The following VSTM2B variants were observed in gnomAD, a reference collection of about 807,000 sequenced individuals.
The protein encoded by VSTM2B is V-set and transmembrane domain-containing protein 2B.
A neutral mutation model predicts 24.0 loss-of-function variants in VSTM2B; 24 were observed. The ratio of observed to expected loss-of-function variants is 1.00; its 90% CI spans 0.72 to 1.40. The LOEUF (loss-of-function observed/expected upper bound fraction) is 1.40, where lower values mean the gene tolerates loss of function less well. Ranked by LOEUF, VSTM2B falls within the 40% of genes most tolerant of loss-of-function variation. VSTM2B has a pLI of 0.00. For missense variants in VSTM2B, 399 were observed against 416.4 expected, an observed-to-expected ratio of 0.96 and a Z score of 0.36; for synonymous variants, 226 against 194.4, an observed-to-expected ratio of 1.16 and a Z score of -1.35.
intron 4 of VSTM2B, among the ~76,000 whole-genome samples, chr19:29,544,918 G>A (rs1402440017): frequency 5.9e-5 from 9 of 152,292 alleles, no homozygotes; most frequent in East Asian, 1.9e-4. Flanking sequence ...TTCCGGCACC[G>A]TGCTGGGTAA....
At chr19:29,553,072 A>G (rs557306603) in intron 4 of VSTM2B, among the ~76,000 whole-genome samples, 3 of 152,216 alleles carry the variant, frequency 2.0e-5, no homozygotes, top group African/African-American at 7.2e-5. Context: ...TGGACAAGTG[A>G]GATCCCCCCC....
intron 4 of VSTM2B, among the ~76,000 whole-genome samples, chr19:29,555,792 A>C (rs548057644): frequency 6.6e-6 from 1 of 152,312 alleles, no homozygotes; most frequent in South Asian, 2.1e-4. Context: ...CTATGCAAAT[A>C]AACTAAAAAC....
At chr19:29,527,679 G>C (rs1969619375) in intron 2 of VSTM2B, among the ~76,000 whole-genome samples, 1 of 152,208 alleles carries the variant, frequency 6.6e-6, no homozygotes, top group South Asian at 2.1e-4. Context: ...GCTCGTGCTC[G>C]CTGGCTGCGG....
intron 4 of VSTM2B, among the ~76,000 whole-genome samples, chr19:29,556,043 C>T (rs1970398750): frequency 6.6e-6 from 1 of 152,030 alleles, no homozygotes; most frequent in Non-Finnish European, 1.5e-5. Context: ...AGGGACTTCT[C>T]CCTAACTCAT....
At chr19:29,549,063 G>A (rs1212861380) in intron 4 of VSTM2B, among the ~76,000 whole-genome samples, 3 of 152,226 alleles carry the variant, frequency 2.0e-5, no homozygotes, top group Admixed American at 2.0e-4. Context: ...CAGTCCTGGG[G>A]TTGCTGATTC....
intron 4 of VSTM2B, among the ~76,000 whole-genome samples, chr19:29,557,375 T>C (rs1248054091): frequency 6.6e-6 from 1 of 152,180 alleles, no homozygotes; most frequent in East Asian, 1.9e-4. Flanking sequence ...CCTTACACCT[T>C]ATACAATAAT....
chr19:29,529,156 C>A (rs73029458), intron 3 of VSTM2B: 54,771 of 983,370 alleles, frequency 0.056, 1,718 homozygotes, highest in Middle Eastern at 0.094. Flanking sequence ...AAGTCCCCAC[C>A]GGGGCGCAGG....
chr19:29,530,977 G>A (rs1969742922), intron 4 of VSTM2B, among the ~76,000 whole-genome samples: 1 of 151,102 alleles, frequency 6.6e-6, no homozygotes, highest in Admixed American at 6.6e-5. Context: ...AGGGAGCTGA[G>A]AGGCTGGGAG....
At position 29,530,149 on chromosome 19, in the gene VSTM2B, G is replaced by A; in HGVS notation, c.628G>A (p.Ala210Thr). 2 of 1,470,046 alleles carry A rather than the reference G, an allele frequency of 1.4e-6. No homozygotes were observed. The highest frequency in any genetic ancestry group is 1.3e-5 in the South Asian group (1 of 77,302). The allele number at this position is 1,470,046 out of a possible 1,614,324, so 91.1% of individuals were successfully genotyped here. The change falls in exon 4 of 5, where the codon GCC (alanine) becomes ACC (threonine). Residue 210 changes from alanine (A) to threonine (T), a missense_variant. Physicochemically the swap from Ala to Thr is moderately conservative, Grantham distance 58 (BLOSUM62 0). Coordinates refer to ENST00000335523, the MANE Select transcript of VSTM2B (RefSeq NM_001146339.2). ...KSPPPGSPPA[A>T]IDPAVPEAAA... ...CCCGCCGCCCGGGAGCCCTCCCGCC[G>A]CCATCGATCCCGCAGTCCCCGAGGC...
intron 4 of VSTM2B, among the ~76,000 whole-genome samples, chr19:29,541,546 G>A (rs796292264): frequency 3.6e-4 from 55 of 152,192 alleles, no homozygotes; most frequent in African/African-American, 1.3e-3. Flanking sequence ...ATTAATAGAT[G>A]GGTGGAAGGA....
At chr19:29,536,453 C>T (rs1419617520) in intron 4 of VSTM2B, among the ~76,000 whole-genome samples, 3 of 152,246 alleles carry the variant, frequency 2.0e-5, no homozygotes, top group Non-Finnish European at 4.4e-5. Context: ...CTTTGTGTAT[C>T]AGTCAGCTCA....
chr19:29,545,939 T>A (rs1292595230), intron 4 of VSTM2B, among the ~76,000 whole-genome samples: 2 of 152,092 alleles, frequency 1.3e-5, no homozygotes. Context: ...TATCAGTGAC[T>A]GGCTTGCGGG....
intron 4 of VSTM2B, among the ~76,000 whole-genome samples, chr19:29,559,026 A>T (rs184520156): frequency 1.3e-5 from 2 of 152,346 alleles, no homozygotes; most frequent in African/African-American, 4.8e-5. Flanking sequence ...AGTGTAAATT[A>T]GCTCAACCAT....
upstream of VSTM2B, chr19:29,525,554 G>A (rs1042988232): frequency 6.6e-6 from 1 of 152,356 alleles, no homozygotes; most frequent in Non-Finnish European, 1.5e-5. Flanking sequence ...CGTAGTCTCC[G>A]GCTGGGCACA....
chr19:29,540,204 AT>A (rs1969991283), intron 4 of VSTM2B, among the ~76,000 whole-genome samples: 1 of 152,234 alleles, frequency 6.6e-6, no homozygotes, highest in Non-Finnish European at 1.5e-5. Flanking sequence ...GGTCTGCTGT[AT>A]CTGGTCTGGC....
chr19:29,541,826 T>A (rs1202312986), intron 4 of VSTM2B, among the ~76,000 whole-genome samples: 1 of 151,464 alleles, frequency 6.6e-6, no homozygotes, highest in Non-Finnish European at 1.5e-5. Context: ...AATGAATGGA[T>A]GGGTAGAAGG....
chr19:29,531,144 G>A (rs1443747468), intron 4 of VSTM2B, among the ~76,000 whole-genome samples: 1 of 152,018 alleles, frequency 6.6e-6, no homozygotes, highest in Non-Finnish European at 1.5e-5. Context: ...AGAAAGGCTT[G>A]CCCAGTGTGC....
At chr19:29,536,389 G>A (rs1969890639) in intron 4 of VSTM2B, among the ~76,000 whole-genome samples, 1 of 152,232 alleles carries the variant, frequency 6.6e-6, no homozygotes. Flanking sequence ...AAAGCTTTCA[G>A]ATGCCCCCTC....
intron 4 of VSTM2B, among the ~76,000 whole-genome samples, chr19:29,557,362 C>A (rs1222730088): frequency 6.6e-6 from 1 of 152,208 alleles, no homozygotes; most frequent in African/African-American, 2.4e-5. Flanking sequence ...AACTGGACCT[C>A]TTCCTTACAC....
Sources: allele counts gnomAD v4.1 joint callset (sites outside exome capture counted in the v4.1 genomes callset), GRCh38; gene constraint gnomAD v4.1.1; transcripts MANE v1.5; gene names NCBI Gene and HGNC (gene_info 2026-07-23, HGNC 2026-07-21).